Variants in VPS13D observed in about 807,000 individuals in gnomAD.
VPS13D encodes the protein intermembrane lipid transfer protein VPS13D.
In VPS13D, 187 loss-of-function variants were observed where a neutral mutation model predicts 461.9. The observed-to-expected ratio is 0.40, with a 90% CI of 0.36 to 0.46. VPS13D has a LOEUF of 0.46. Among genes scored for constraint, VPS13D ranks in the 20% least tolerant of loss-of-function variants. The pLI, the probability that VPS13D is intolerant of heterozygous loss-of-function variation, is 0.60. For synonymous variants in VPS13D, 1,951 were observed against 1,986.3 expected, an observed-to-expected ratio of 0.98 and a Z score of 0.47; for missense variants, 4,711 against 5,364.9, an observed-to-expected ratio of 0.88 and a Z score of 3.81.
At chr1:12,389,446 A>G (rs1644394455) in intron 60 of VPS13D, among the ~76,000 whole-genome samples, 1 of 152,224 alleles carries the variant, frequency 6.6e-6, no homozygotes, top group Non-Finnish European at 1.5e-5. Context: ...GAAACACACC[A>G]GTCCCCAACC....
rs1643866091 is a variant in VPS13D at position 12,354,174 on chromosome 1, A to G, written c.9632A>G (p.Lys3211Arg). Reference sequence around the variant, plus strand: ...ATTAATGGGACGCTGAAACCTGGCAAGGAGGCAGCTCTCCATACAGCTGAT... The same window carrying G: ...ATTAATGGGACGCTGAAACCTGGCAGGGAGGCAGCTCTCCATACAGCTGAT... The part of the protein sequence containing the change: ...MPINGTLKPG[K>R]EAALHTADTS... Residue 3211 changes from lysine to arginine, a missense_variant, in exon 47 of 70, where the codon AAG becomes AGG. Coordinates refer to ENST00000620676, the MANE Select transcript of VPS13D (RefSeq NM_015378.4). The G allele has an allele frequency of 1.2e-6, 2 of 1,614,084 alleles. No homozygotes were observed. Among genetic ancestry groups the G allele is most frequent in the Non-Finnish European group, 1.7e-6 (2 of 1,180,044 alleles).
At position 12,282,838 on chromosome 1, in the gene VPS13D, G is replaced by C. The variant is rs748833527; in HGVS notation, c.4736G>C (p.Ser1579Thr). 1.2e-6 allele frequency: 2 copies of C among 1,614,098 alleles called. No individual in the cohort carries two copies. The highest frequency in any genetic ancestry group is 1.7e-6 in the Non-Finnish European group (2 of 1,180,014). ...CCTGATTCTCCTCTGCCTCCCCTCA[G>C]TACCTGTGGAGAATCTTCTGTTGAA... ...PCPDSPLPPL[S>T]TCGESSVERK... Residue 1579 changes from serine to threonine, a missense_variant, in exon 21 of 70, where the codon AGT becomes ACT. Physicochemically the swap from Ser to Thr is moderately conservative, Grantham distance 58 (BLOSUM62 1). Transcript: ENST00000620676.
Position 12,482,789 on chromosome 1 carries a change from CATATATATATACTAGTATAT to C in VPS13D, c.12663-14704_12663-14685del, listed in dbSNP as rs1557467767. ...TATACATATATGTATACATAGTATA[CATATATATATACTAGTATAT>C]ATATATGATTTGACATGAATGGGAG... On this transcript the variant is annotated intron_variant, in intron 67 of 69. Transcript: ENST00000620676. Among the ~76,000 whole-genome samples, 3 of 147,890 alleles carry C rather than the reference CATATATATATACTAGTATAT, an allele frequency of 2.0e-5. No homozygotes were observed. The East Asian group carries it at 5.9e-4, about 29-fold the overall frequency.
intron 52 of VPS13D, among the ~76,000 whole-genome samples, chr1:12,365,464 C>T (rs939209215): frequency 2.0e-5 from 3 of 151,992 alleles, no homozygotes; most frequent in Admixed American, 6.5e-5. Flanking sequence ...CCAGCACTTT[C>T]GGAGGCCTAG....
chr1:12,509,170 G>A lies in VPS13D; in HGVS notation c.*146G>A, dbSNP rs1646153268. On this transcript the variant is annotated 3_prime_UTR_variant, in exon 70 of 70. Transcript: ENST00000620676. ...ATGAGGGAAAGTAAATCCTCATGAG[G>A]AAAAGTACAAATGGAAATCGTATTA... The A allele has an allele frequency of 2.1e-6, 2 of 945,860 alleles. No homozygotes were observed. Among genetic ancestry groups the A allele is most frequent in the Non-Finnish European group, 3.0e-6 (2 of 666,212 alleles). The allele number at this position is 945,860 out of a possible 1,614,324, so 58.6% of individuals were successfully genotyped here. A position where few individuals can be genotyped will look rare whatever the true frequency, so the allele number is the denominator to read the frequency against.
intron 66 of VPS13D, among the ~76,000 whole-genome samples, chr1:12,456,704 T>G (rs555903531): frequency 2.7e-5 from 4 of 150,788 alleles, no homozygotes; most frequent in African/African-American, 9.8e-5. Flanking sequence ...GCGTACCTGA[T>G]AGCCTTCCAA....
At chr1:12,238,959 T>C (rs1268963779) in intron 2 of VPS13D, among the ~76,000 whole-genome samples, 3 of 152,006 alleles carry the variant, frequency 2.0e-5, no homozygotes, top group Non-Finnish European at 4.4e-5. Context: ...TAGTCCCTGA[T>C]CTCAGAGGAC....
chr1:12,491,190 C>T (rs1645876262), intron 67 of VPS13D, among the ~76,000 whole-genome samples: 1 of 152,196 alleles, frequency 6.6e-6, no homozygotes, highest in Admixed American at 6.5e-5. Context: ...AAAGTGAATG[C>T]AAGCACAACC....
intron 67 of VPS13D, among the ~76,000 whole-genome samples, chr1:12,489,091 A>G (rs772689424): frequency 1.3e-5 from 2 of 152,024 alleles, no homozygotes; most frequent in African/African-American, 4.8e-5. Flanking sequence ...AACATGATCT[A>G]TTTTCTTGGA....
intron 16 of VPS13D, among the ~76,000 whole-genome samples, chr1:12,269,452 G>A (rs935107651): frequency 6.6e-6 from 1 of 152,194 alleles, no homozygotes; most frequent in Admixed American, 6.5e-5. Context: ...GAACTGAAAA[G>A]CAATGATCTC....
chr1:12,466,135 A>G (rs1645480257), intron 67 of VPS13D, among the ~76,000 whole-genome samples: 1 of 151,036 alleles, frequency 6.6e-6, no homozygotes, highest in Non-Finnish European at 1.5e-5. Context: ...CTCCATCTAA[A>G]AAAAAAAAAA....
chr1:12,248,271 T>A (rs557608606), intron 5 of VPS13D, among the ~76,000 whole-genome samples: 96 of 152,272 alleles, frequency 6.3e-4, no homozygotes, highest in Non-Finnish European at 4.4e-4. Context: ...TACCAGATTC[T>A]TATCAGATTT....
rs538587434 is a variant in VPS13D at position 12,394,763 on chromosome 1, CCT to C, written c.11635-5412_11635-5411del. On this transcript the variant is annotated intron_variant, in intron 60 of 69. Transcript: ENST00000620676. ...AACCAAAGGAGATCACACATTTCCACCTCTCTCACGGTGGGCCATCTTTTAAT... is the reference window on the plus strand; with the variant it reads ...AACCAAAGGAGATCACACATTTCCACCTCTCACGGTGGGCCATCTTTTAAT... Among the ~76,000 whole-genome samples, 315 of 152,260 alleles carry C rather than the reference CCT, an allele frequency of 2.1e-3. 1 individual carries two copies. Among genetic ancestry groups the C allele is most frequent in the South Asian group, 5.8e-3 (28 of 4,798 alleles).
intron 49 of VPS13D, among the ~76,000 whole-genome samples, chr1:12,357,781 G>A (rs193166090): frequency 2.1e-4 from 32 of 152,222 alleles, no homozygotes; most frequent in Non-Finnish European, 1.8e-4. Context: ...AGACCGAGGC[G>A]TATCCCAAGG....
chr1:12,258,364 G>GC (rs1640986830), intron 10 of VPS13D, among the ~76,000 whole-genome samples: 2 of 152,116 alleles, frequency 1.3e-5, no homozygotes, highest in South Asian at 4.2e-4. Flanking sequence ...CCACACCCCT[G>GC]CCCCCCAGCT....
Position 12,348,834 on chromosome 1 carries a change from C to A in VPS13D, c.9081C>A (p.Leu3027=), listed in dbSNP as rs140334447. ...IIHPQVYFSS[L]PPVRVVFAVT... is the part of the protein sequence containing the mutation. ...TCGCTCTTTCACAGTTCTCTTCACTCCCACCAGTGCGGGTGGTCTTTGCAG... is the reference window on the plus strand; with the variant it reads ...TCGCTCTTTCACAGTTCTCTTCACTACCACCAGTGCGGGTGGTCTTTGCAG... Residue 3027 remains leucine (L), a synonymous_variant, in exon 45 of 70, where the codon CTC becomes CTA. Coordinates refer to ENST00000620676, the MANE Select transcript of VPS13D (RefSeq NM_015378.4). The A allele has an allele frequency of 4.0e-4, 645 of 1,614,006 alleles. No individual in the cohort carries two copies. Among genetic ancestry groups the A allele is most frequent in the Non-Finnish European group, 5.2e-4 (615 of 1,180,006 alleles).
intron 55 of VPS13D, among the ~76,000 whole-genome samples, chr1:12,374,488 G>T (rs1644169910): frequency 6.6e-6 from 1 of 152,106 alleles, no homozygotes; most frequent in African/African-American, 2.4e-5. Context: ...TCCCCTTACT[G>T]GTGACATTAA....
chr1:12,314,373 C>A, intron 30 of VPS13D, 46 bp downstream of exon 30: 2 of 1,577,732 alleles, frequency 1.3e-6, no homozygotes, highest in East Asian at 2.3e-5. Context: ...GGAGACATTC[C>A]CTTTTGGGTC....
At chr1:12,394,653 C>T (rs1557753832) in intron 60 of VPS13D, among the ~76,000 whole-genome samples, 1 of 152,110 alleles carries the variant, frequency 6.6e-6, no homozygotes, top group Non-Finnish European at 1.5e-5. Flanking sequence ...CTGGACCCTC[C>T]CAGCTGGGAT....
Sources: gnomAD v4.1 joint callset for allele counts (sites outside exome capture counted in the v4.1 genomes callset) on GRCh38, gnomAD v4.1.1 for gene constraint, MANE v1.5 for transcripts, NCBI Gene and HGNC (gene_info 2026-07-23, HGNC 2026-07-21) for gene names.